Variants in SUPT3H observed in about 807,000 individuals in gnomAD.
SUPT3H encodes the protein SPT3 homolog, SAGA and STAGA complex component, also known as transcription initiation protein SPT3 homolog.
In SUPT3H, 44 loss-of-function variants were observed where a neutral mutation model predicts 44.3. The ratio of observed to expected loss-of-function variants is 0.99; its 90% CI spans 0.78 to 1.28. The LOEUF is 1.28. Among genes scored for constraint, SUPT3H ranks in the 50% most tolerant of loss-of-function variants. The pLI is 0.00. For missense variants in SUPT3H, 380 were observed against 387.1 expected (o/e 0.98, Z 0.15); for synonymous variants, 124 against 125.6 (o/e 0.99, Z 0.09).
At chr6:45,159,864 A>G (rs898113085) in intron 2 of SUPT3H, among the ~76,000 whole-genome samples, 2 of 152,178 alleles carry the variant, frequency 1.3e-5, no homozygotes, top group African/African-American at 4.8e-5. Flanking sequence ...TATTGGTCTG[A>G]GCTTTTTTCT....
chr6:45,334,335 G>C (rs551422083), intron 2 of SUPT3H, among the ~76,000 whole-genome samples: 2 of 146,320 alleles, frequency 1.4e-5, no homozygotes, highest in East Asian at 4.0e-4. Context: ...TAAAACTCAA[G>C]AACTTAAATA....
intron 3 of SUPT3H, among the ~76,000 whole-genome samples, chr6:45,100,845 G>A (rs1288193675): frequency 6.6e-6 from 1 of 152,010 alleles, no homozygotes; most frequent in Non-Finnish European, 1.5e-5. Context: ...TCCCACTACT[G>A]GGTCCACATA....
At chr6:45,125,850 T>C (rs532882394) in intron 2 of SUPT3H, among the ~76,000 whole-genome samples, 2 of 151,974 alleles carry the variant, frequency 1.3e-5, no homozygotes, top group East Asian at 1.9e-4. Context: ...ATCTTTCTGG[T>C]TTTAAAAGAC....
At chr6:45,349,570 T>G (rs996490319) in intron 2 of SUPT3H, among the ~76,000 whole-genome samples, 1 of 152,184 alleles carries the variant, frequency 6.6e-6, no homozygotes, top group African/African-American at 2.4e-5. Context: ...AGTTTAATGG[T>G]TCAGCAAGGC....
At chr6:45,372,124 C>A in intron 1 of SUPT3H, 1 of 588,392 alleles carries the variant, frequency 1.7e-6, no homozygotes, top group Non-Finnish European at 2.1e-6. Context: ...TGCCAAACCA[C>A]AATGGAAGCA....
rs1484955460 is a variant in SUPT3H, at chr6:45,360,955, T to C, written c.101+4246A>G. 1.3e-5 allele frequency among the ~76,000 whole-genome samples: 2 copies of C among 152,124 alleles called. 1 individual carries two copies. The highest frequency in any genetic ancestry group is 4.1e-4 in the South Asian group (2 of 4,824). ...TATATGCCTCTTGAAGGCATTCAGTTCCTGCCATATAATAAGGACTCAGTG... is the reference window on the plus strand; with the variant it reads ...TATATGCCTCTTGAAGGCATTCAGTCCCTGCCATATAATAAGGACTCAGTG... On this transcript the variant is annotated intron_variant, in intron 2 of 10. Coordinates refer to ENST00000371459, the MANE Select transcript of SUPT3H (RefSeq NM_003599.4).
intron 11 of SUPT3H, among the ~76,000 whole-genome samples, chr6:44,820,451 T>A (rs911924905): frequency 6.6e-6 from 1 of 152,068 alleles, no homozygotes; most frequent in Non-Finnish European, 1.5e-5. Flanking sequence ...TGTTGAGATA[T>A]GAAGATGACG....
chr6:44,892,770 C>T (rs997574961), intron 10 of SUPT3H, among the ~76,000 whole-genome samples: 9 of 152,100 alleles, frequency 5.9e-5, no homozygotes, highest in Non-Finnish European at 1.2e-4. Context: ...AGTGGTAGAG[C>T]CCAGGACTGA....
intron 2 of SUPT3H, among the ~76,000 whole-genome samples, chr6:45,214,201 G>A (rs1397958530): frequency 6.6e-6 from 1 of 151,594 alleles, no homozygotes; most frequent in African/African-American, 2.4e-5. Flanking sequence ...AACACCTTAT[G>A]AAAAAAATTT....
downstream of SUPT3H, among the ~76,000 whole-genome samples, chr6:44,825,351 A>G (rs191153922): frequency 2.0e-3 from 307 of 152,302 alleles, no homozygotes; most frequent in Middle Eastern, 3.4e-3. Flanking sequence ...CTTGCAATCA[A>G]ATTTTCTGGT....
intron 7 of SUPT3H, among the ~76,000 whole-genome samples, chr6:44,961,446 A>G (rs374255000): frequency 2.6e-5 from 4 of 152,316 alleles, no homozygotes; most frequent in Non-Finnish European, 1.5e-5. Flanking sequence ...CTAGGAAACT[A>G]GAAATTAAAA....
intron 10 of SUPT3H, among the ~76,000 whole-genome samples, chr6:44,855,839 A>G (rs532461855): frequency 1.6e-4 from 24 of 152,072 alleles, no homozygotes; most frequent in Admixed American, 1.1e-3. Context: ...GAAAAGCTTC[A>G]TACTGTCTGC....
chr6:44,965,701 A>G (rs931347460), intron 6 of SUPT3H, among the ~76,000 whole-genome samples: 2 of 132,026 alleles, frequency 1.5e-5, no homozygotes, highest in African/African-American at 8.4e-5. Flanking sequence ...TCAAAGATAC[A>G]AAAAAAAAGG....
At chr6:44,840,973 G>C (rs1407078185) in intron 10 of SUPT3H, among the ~76,000 whole-genome samples, 6 of 152,176 alleles carry the variant, frequency 3.9e-5, no homozygotes, top group African/African-American at 1.2e-4. Flanking sequence ...CTTTGGAGAA[G>C]AGAAATTTGA....
At chr6:45,086,227 A>G (rs760227393) in intron 3 of SUPT3H, among the ~76,000 whole-genome samples, 2 of 152,048 alleles carry the variant, frequency 1.3e-5, no homozygotes, top group Non-Finnish European at 2.9e-5. Context: ...GGCCAACTAT[A>G]TTTCTGACAT....
intron 2 of SUPT3H, among the ~76,000 whole-genome samples, chr6:45,172,585 A>T (rs542563936): frequency 7.6e-4 from 65 of 85,352 alleles, no homozygotes; most frequent in Middle Eastern, 0.011. Context: ...ATCCTTAAAG[A>T]TAGATATATT....
chr6:45,078,670 T>C (rs1795343580), intron 3 of SUPT3H, among the ~76,000 whole-genome samples: 1 of 152,204 alleles, frequency 6.6e-6, no homozygotes, highest in Non-Finnish European at 1.5e-5. Flanking sequence ...AAAGGAGAGC[T>C]TTGTTGGATA....
At chr6:45,137,057 T>A (rs543533829) in intron 2 of SUPT3H, among the ~76,000 whole-genome samples, 2 of 152,232 alleles carry the variant, frequency 1.3e-5, no homozygotes, top group South Asian at 2.1e-4. Context: ...AACAGCTGAT[T>A]TCTCATTTTT....
intron 10 of SUPT3H, among the ~76,000 whole-genome samples, chr6:44,855,660 A>C (rs886739888): frequency 1.3e-5 from 2 of 152,028 alleles, no homozygotes. Flanking sequence ...AGATACATCC[A>C]TACATCTTAC....
Sources: gnomAD v4.1 joint callset for allele counts (sites outside exome capture counted in the v4.1 genomes callset) on GRCh38, gnomAD v4.1.1 for gene constraint, MANE v1.5 for transcripts, NCBI Gene and HGNC (gene_info 2026-07-23, HGNC 2026-07-21) for gene names.